Variants in ATP2B2 observed in about 807,000 individuals in gnomAD.
ATP2B2 encodes the protein plasma membrane calcium-transporting ATPase 2.
Under a neutral mutation model 120.0 loss-of-function variants are expected in ATP2B2, and 15 were observed. The ratio of observed to expected loss-of-function variants is 0.12; its 90% confidence interval spans 0.08 to 0.19. ATP2B2 has a LOEUF of 0.19. Among genes scored for constraint, ATP2B2 ranks in the 10% least tolerant of loss-of-function variants. The pLI is 1.00. For missense variants in ATP2B2, 1,045 were observed against 1,719.8 expected, an observed-to-expected ratio of 0.61 and a Z score of 6.94; for synonymous variants, 694 against 700.3, an observed-to-expected ratio of 0.99 and a Z score of 0.14.
At chr3:10,504,310 C>T (rs984024395) in intron 1 of ATP2B2, among the ~76,000 whole-genome samples, 7 of 152,286 alleles carry the variant, frequency 4.6e-5, no homozygotes, top group South Asian at 4.1e-4. Flanking sequence ...CTCCGGATGG[C>T]GCCCGCTGAT....
intron 1 of ATP2B2, among the ~76,000 whole-genome samples, chr3:10,495,229 A>G (rs2066096386): frequency 6.6e-6 from 1 of 152,208 alleles, no homozygotes; most frequent in African/African-American, 2.4e-5. Context: ...CGTCTGGCCC[A>G]AGCCACGCCT....
At chr3:10,522,325 A>G (rs1192948855) in intron 3 of ATP2B2, among the ~76,000 whole-genome samples, 1 of 151,958 alleles carries the variant, frequency 6.6e-6, no homozygotes, top group Non-Finnish European at 1.5e-5. Context: ...AGGCTCAGAG[A>G]AGTTAGCTAG....
intron 1 of ATP2B2, among the ~76,000 whole-genome samples, chr3:10,706,272 C>T (rs2071894722): frequency 6.6e-6 from 1 of 152,182 alleles, no homozygotes; most frequent in Non-Finnish European, 1.5e-5. Context: ...AAGGAATGAC[C>T]TCGCACAGAG....
intron 2 of ATP2B2, among the ~76,000 whole-genome samples, chr3:10,560,287 T>C (rs1475239697): frequency 6.6e-6 from 1 of 152,186 alleles, no homozygotes; most frequent in Non-Finnish European, 1.5e-5. Flanking sequence ...TCCAAGCTTC[T>C]GATGACGGCT....
intron 1 of ATP2B2, among the ~76,000 whole-genome samples, chr3:10,491,518 G>A (rs1271501296): frequency 2.6e-5 from 4 of 152,152 alleles, no homozygotes; most frequent in Non-Finnish European, 5.9e-5. Context: ...GAGCCAATGC[G>A]CCTGGCCTGG....
At chr3:10,690,476 C>CTATATATATATA (rs1553651006) in intron 1 of ATP2B2, among the ~76,000 whole-genome samples, 11 of 150,452 alleles carry the variant, frequency 7.3e-5, no homozygotes, top group African/African-American at 2.7e-4. Context: ...ATCTATCTAT[C>CTATATATATATA]TATATATCTC....
At chr3:10,686,790 A>G (rs943516652) in intron 1 of ATP2B2, among the ~76,000 whole-genome samples, 1 of 152,250 alleles carries the variant, frequency 6.6e-6, no homozygotes, top group Admixed American at 6.5e-5. Flanking sequence ...TCTCACCAGT[A>G]AGCCCTATAC....
chr3:10,358,965 G>A, intron 13 of ATP2B2, 40 bp from the exon 14 acceptor site: 2 of 1,594,782 alleles, frequency 1.3e-6, no homozygotes, highest in Non-Finnish European at 1.7e-6. Flanking sequence ...CCCAGGGAAT[G>A]CTCCTTCTGA....
At chr3:10,494,798 CG>C (rs2125380269) in intron 1 of ATP2B2, among the ~76,000 whole-genome samples, 1 of 152,294 alleles carries the variant, frequency 6.6e-6, no homozygotes, top group South Asian at 2.1e-4. Flanking sequence ...TCACCACCCT[CG>C]GCATTGGGTG....
At chr3:10,691,394 A>G (rs894288073) in intron 1 of ATP2B2, among the ~76,000 whole-genome samples, 1 of 152,180 alleles carries the variant, frequency 6.6e-6, no homozygotes, top group African/African-American at 2.4e-5. Flanking sequence ...CACATACCTC[A>G]GTAGTTATGG....
At chr3:10,368,196 T>C (rs1018919193) in intron 12 of ATP2B2, among the ~76,000 whole-genome samples, 1 of 148,690 alleles carries the variant, frequency 6.7e-6, no homozygotes, top group African/African-American at 2.5e-5. Context: ...TTTTTTTTTT[T>C]CAGTAAAAGA....
intron 3 of ATP2B2, among the ~76,000 whole-genome samples, chr3:10,514,277 G>C (rs1206955673): frequency 6.6e-6 from 1 of 152,176 alleles, no homozygotes; most frequent in Non-Finnish European, 1.5e-5. Flanking sequence ...AGTGGTTGAG[G>C]GGAGCAGGGA....
At chr3:10,621,056 CTCTCCT>C (rs1223921600) in intron 1 of ATP2B2, among the ~76,000 whole-genome samples, 5 of 152,170 alleles carry the variant, frequency 3.3e-5, no homozygotes, top group Non-Finnish European at 7.3e-5. Context: ...TGGTGCTGAG[CTCTCCT>C]GAGCCCTGCT....
At chr3:10,499,866 A>G (rs1245918445) in intron 1 of ATP2B2, among the ~76,000 whole-genome samples, 1 of 151,218 alleles carries the variant, frequency 6.6e-6, no homozygotes, top group Non-Finnish European at 1.5e-5. Context: ...AAGGTGAAGG[A>G]GCACCAGGGA....
intron 1 of ATP2B2, among the ~76,000 whole-genome samples, chr3:10,678,418 A>G (rs987731326): frequency 1.3e-5 from 2 of 152,164 alleles, no homozygotes; most frequent in Non-Finnish European, 1.5e-5. Flanking sequence ...GAGGAAAGGA[A>G]AAGACAGGCA....
chr3:10,614,851 T>C (rs2069340524), intron 2 of ATP2B2, among the ~76,000 whole-genome samples: 1 of 152,212 alleles, frequency 6.6e-6, no homozygotes, highest in Non-Finnish European at 1.5e-5. Context: ...CCTCTAGGAA[T>C]AGTGACCAAT....
intron 3 of ATP2B2, among the ~76,000 whole-genome samples, chr3:10,407,601 A>G (rs1370027115): frequency 1.3e-5 from 2 of 152,244 alleles, no homozygotes; most frequent in East Asian, 3.9e-4. Context: ...CGGGCAGTGG[A>G]CCTCTGAGGA....
At chr3:10,397,357 A>C (rs1367026353) in intron 5 of ATP2B2, among the ~76,000 whole-genome samples, 4 of 152,214 alleles carry the variant, frequency 2.6e-5, no homozygotes, top group Non-Finnish European at 5.9e-5. Flanking sequence ...GAGACCAGTG[A>C]GATCCGGTTG....
At chr3:10,677,964 T>C (rs1001629193) in intron 1 of ATP2B2, among the ~76,000 whole-genome samples, 1 of 152,182 alleles carries the variant, frequency 6.6e-6, no homozygotes, top group Non-Finnish European at 1.5e-5. Flanking sequence ...ATTGTGGACA[T>C]GCCCATTTAC....
Sources: gnomAD v4.1 joint callset for allele counts (sites outside exome capture counted in the v4.1 genomes callset) on GRCh38, gnomAD v4.1.1 for gene constraint, MANE v1.5 for transcripts, NCBI Gene and HGNC (gene_info 2026-07-23, HGNC 2026-07-21) for gene names.